The following HCN4 variants were observed in gnomAD, a reference collection of about 807,000 sequenced individuals.
HCN4 encodes the protein potassium/sodium hyperpolarization-activated cyclic nucleotide-gated channel 4.
HCN4 carries 29 observed loss-of-function variants against 76.9 expected under a neutral mutation model. That is an observed-to-expected ratio of 0.38 (90% CI 0.28 to 0.51). The LOEUF is 0.51. HCN4 is among the 20% of genes least tolerant of loss of function. HCN4 has a pLI of 0.90. For missense variants in HCN4, 1,416 were observed against 1,715.2 expected (o/e 0.83, Z 3.08); for synonymous variants, 772 against 762.5 (o/e 1.01, Z -0.21).
intron 1 of HCN4, among the ~76,000 whole-genome samples, chr15:73,346,722 T>A (rs1346142128): frequency 6.6e-6 from 1 of 152,100 alleles, no homozygotes; most frequent in Non-Finnish European, 1.5e-5. Flanking sequence ...AAAGCCCAGG[T>A]ATCCATAAAA....
At position 73,331,986 on chromosome 15, in the gene HCN4, G is replaced by A. The variant is rs971895205; in HGVS notation, c.1371+145C>T. 29 of 770,756 alleles carry A rather than the reference G, an allele frequency of 3.8e-5. No individual in the cohort carries two copies. In the East Asian group the frequency reaches 7.4e-4, roughly 20 times the overall value. The allele number at this position is 770,756 out of a possible 1,614,324, so 47.7% of individuals were successfully genotyped here. ...GCAGCAAGCGATTGGGCCTGTACTG[G>A]GTAGAGCTATGTGCCCCCTCAGCCC... On this transcript the variant is annotated intron_variant, in intron 3 of 7. Coordinates refer to ENST00000261917, the MANE Select transcript of HCN4 (RefSeq NM_005477.3).
rs1216962124 is a variant in HCN4, at chr15:73,367,054, C to G, written c.785+432G>C. On this transcript the variant is annotated intron_variant, in intron 1 of 7. Transcript: ENST00000261917. This position sits in a 1 kb window ranked among gnomAD's most constrained non-coding sequence, Gnocchi z 7.5. ...GACATAAATGCCTGCTGTCAGCACC[C>G]AAGGAGCTGGCCCGTTGCTAAGAGG... Among the ~76,000 whole-genome samples, 1 of 152,220 alleles carries G rather than the reference C, an allele frequency of 6.6e-6. No homozygotes were observed. The highest frequency in any genetic ancestry group is 1.9e-4 in the East Asian group (1 of 5,200).
At chr15:73,361,545 T>C (rs957525333) in intron 1 of HCN4, among the ~76,000 whole-genome samples, 1 of 152,220 alleles carries the variant, frequency 6.6e-6, no homozygotes, top group African/African-American at 2.4e-5. Flanking sequence ...TAAGAGCCCT[T>C]GAGCCAAGTG....
In HCN4 at chr15:73,367,662, C is replaced by T. The variant is rs779995929; in HGVS notation, c.609G>A (p.Glu203=). 7 of 1,608,094 alleles carry T rather than the reference C, an allele frequency of 4.4e-6. No homozygotes were observed. The African/African-American group carries it at 6.7e-5, about 15-fold the overall frequency. ...GAAAGDQILP[E]AEVRLGQAGF... is the part of the protein sequence containing the mutation. ...CGGCCTGGCCCAGGCGCACCTCGGCCTCCGGGAGGATCTGGTCGCCGGCAG... is the reference window on the plus strand; with the variant it reads ...CGGCCTGGCCCAGGCGCACCTCGGCTTCCGGGAGGATCTGGTCGCCGGCAG... Residue 203 remains glutamate, a synonymous_variant, in exon 1 of 8, where the codon GAG becomes GAA. Transcript: ENST00000261917. This position sits in a 1 kb window ranked among gnomAD's most constrained non-coding sequence, Gnocchi z 7.5.
At chr15:73,351,337 C>G (rs867459649) in intron 1 of HCN4, among the ~76,000 whole-genome samples, 2 of 152,300 alleles carry the variant, frequency 1.3e-5, no homozygotes, top group Middle Eastern at 3.4e-3. Flanking sequence ...GCCTTGTAAA[C>G]CATACCCCTC....
intron 1 of HCN4, among the ~76,000 whole-genome samples, chr15:73,354,399 C>T (rs375613153): frequency 2.6e-5 from 4 of 152,312 alleles, no homozygotes; most frequent in African/African-American, 7.2e-5. Context: ...CCATACAGCA[C>T]GGCGCCCCTC....
chr15:73,346,587 A>G (rs777598699), intron 1 of HCN4, among the ~76,000 whole-genome samples: 2 of 152,140 alleles, frequency 1.3e-5, no homozygotes, highest in Non-Finnish European at 2.9e-5. Context: ...TGACAGACCT[A>G]TTTGCCTCAG....
chr15:73,368,133 C>A lies in HCN4; in HGVS notation c.138G>T (p.Arg46Ser). 3 of 1,515,422 alleles carry A rather than the reference C, an allele frequency of 2.0e-6. No homozygotes were observed. The highest frequency in any genetic ancestry group is 2.9e-5 in the African/African-American group (2 of 69,478). The allele number at this position is 1,515,422 out of a possible 1,614,324, so 93.9% of individuals were successfully genotyped here. The change falls in exon 1 of 8, where the codon AGG (arginine) becomes AGT (serine). Residue 46 changes from arginine to serine, a missense_variant. Transcript: ENST00000261917. This position sits in a 1 kb window ranked among gnomAD's most constrained non-coding sequence, Gnocchi z 6.9. ...GAGGRQDPSR[R>S]SIRLRPLPSP... is the part of the protein sequence containing the mutation. Reference sequence around the variant, plus strand: ...AGGGCAGTGGCCGCAGCCGGATGCTCCTGCGGCTGGGGTCTTGGCGGCCCC... The same window carrying A: ...AGGGCAGTGGCCGCAGCCGGATGCTACTGCGGCTGGGGTCTTGGCGGCCCC...
At chr15:73,358,084 T>C (rs2043089304) in intron 1 of HCN4, among the ~76,000 whole-genome samples, 1 of 151,788 alleles carries the variant, frequency 6.6e-6, no homozygotes, top group Non-Finnish European at 1.5e-5. Flanking sequence ...CTTGCTGAGG[T>C]CACCCAGCAG....
In HCN4 at chr15:73,360,454, C is replaced by A. The variant is rs2680343; in HGVS notation, c.785+7032G>T. ...AGATCTGATATTCCGACACCTGATC[C>A]ATTTTCTGTGCCTGCTGACTATCCC... On this transcript the variant is annotated intron_variant, in intron 1 of 7. Coordinates refer to ENST00000261917, the MANE Select transcript of HCN4 (RefSeq NM_005477.3). 2.0e-5 allele frequency among the ~76,000 whole-genome samples: 3 copies of A among 152,340 alleles called. No homozygotes were observed. The East Asian group carries it at 5.8e-4, about 29-fold the overall frequency.
intron 4 of HCN4, among the ~76,000 whole-genome samples, chr15:73,329,220 A>C (rs2042917779): frequency 6.6e-6 from 1 of 152,168 alleles, no homozygotes; most frequent in Admixed American, 6.5e-5. Context: ...ACACCGCGAG[A>C]GTGCGGTCCT....
chr15:73,355,089 C>A (rs771175517), intron 1 of HCN4, among the ~76,000 whole-genome samples: 12 of 152,192 alleles, frequency 7.9e-5, no homozygotes, highest in Non-Finnish European at 1.5e-4. Flanking sequence ...GGGCAGCATG[C>A]CCTGTTGGGT....
chr15:73,360,625 C>CCT (rs140768890), intron 1 of HCN4, among the ~76,000 whole-genome samples: 77 of 150,380 alleles, frequency 5.1e-4, no homozygotes, highest in South Asian at 1.3e-3. Context: ...ATTTGGGGGA[C>CCT]CTCTCTCTCT....
Position 73,367,382 on chromosome 15 carries a change from C to A in HCN4, c.785+104G>T. On this transcript the variant is annotated intron_variant, in intron 1 of 7. Transcript: ENST00000261917. The surrounding 1 kb of genome is among the most constrained non-coding windows in gnomAD (Gnocchi z 7.5). Reference sequence around the variant, plus strand: ...GGCGCCCTGCCTCTCTTGGAGCTCCCAGCGCAAGGCAGGAAAGTTAACTCC... The same window carrying A: ...GGCGCCCTGCCTCTCTTGGAGCTCCAAGCGCAAGGCAGGAAAGTTAACTCC... 6.4e-7 allele frequency: 1 copy of A among 1,551,898 alleles called. No individual in the cohort carries two copies. Among genetic ancestry groups the A allele is most frequent in the East Asian group, 2.3e-5 (1 of 43,152 alleles).
At position 73,322,710 on chromosome 15, in the gene HCN4, C is replaced by A. The variant is rs727503957; in HGVS notation, c.3383G>T (p.Gly1128Val). 1.4e-5 allele frequency: 22 copies of A among 1,567,222 alleles called. No homozygotes were observed. The highest frequency in any genetic ancestry group is 3.3e-4 in the Middle Eastern group (2 of 6,014). The change falls in exon 8 of 8, where the codon GGC (glycine) becomes GTC (valine). Residue 1128 changes from glycine to valine, a missense_variant. By Grantham distance (109) the Gly-to-Val change is moderately radical. This residue lies in a region of HCN4 where 633 missense variants were observed against 579.8 expected (regional missense o/e 1.09). Transcript: ENST00000261917. ...ACCGAGGCCCCCGCTGCTCCCACTGCCCCCGCTGCCACCCCCAGCCCTGGG... is the reference window on the plus strand; with the variant it reads ...ACCGAGGCCCCCGCTGCTCCCACTGACCCCGCTGCCACCCCCAGCCCTGGG... ...LFPRAGGGSG[G>V]SGSSGGLGPP... is the part of the protein sequence containing the mutation.
chr15:73,322,359 C>A lies in HCN4; in HGVS notation c.*122G>T. 1 of 801,140 alleles carries A rather than the reference C, an allele frequency of 1.2e-6. No homozygotes were observed. Among genetic ancestry groups the A allele is most frequent in the Non-Finnish European group, 2.0e-6 (1 of 496,788 alleles). 49.6% of individuals were successfully genotyped at this position (801,140 alleles called of 1,614,324 possible). ...TTATTTTCTGCTGTCTTTTGTTTTT[C>A]TGGTGTGTGTGGTTTTTTAAATAAT... On this transcript the variant is annotated 3_prime_UTR_variant, in exon 8 of 8. Transcript: ENST00000261917.
In HCN4 at chr15:73,367,773, C is replaced by CGGCGGCGAGGCTGCGGGCTGCGCCGA; in HGVS notation, c.472_497dup (p.Pro167ArgfsTer74). ...CCGGCTGCGGTGGCTGCTGGGGCGG[C>CGGCGGCGAGGCTGCGGGCTGCGCCGA]GGCGGCGAGGCTGCGGGCTGCGCCG... On this transcript the variant is annotated frameshift_variant, in exon 1 of 8. Coordinates refer to ENST00000261917, the MANE Select transcript of HCN4 (RefSeq NM_005477.3). LOFTEE classifies it high-confidence loss of function. This position sits in a 1 kb window ranked among gnomAD's most constrained non-coding sequence, Gnocchi z 7.5. 1 of 1,493,806 alleles carries CGGCGGCGAGGCTGCGGGCTGCGCCGA rather than the reference C, an allele frequency of 6.7e-7. No individual in the cohort carries two copies. Among genetic ancestry groups the CGGCGGCGAGGCTGCGGGCTGCGCCGA allele is most frequent in the Non-Finnish European group, 8.9e-7 (1 of 1,127,850 alleles). 92.5% of individuals were successfully genotyped at this position (1,493,806 alleles called of 1,614,324 possible).
intron 3 of HCN4, 36 bp from the exon 4 acceptor site, chr15:73,329,827 G>C (rs1159039018): frequency 3.2e-6 from 5 of 1,557,294 alleles, no homozygotes; most frequent in Non-Finnish European, 3.5e-6. Context: ...CAGTGGATGA[G>C]AGGGAAGGCC....
chr15:73,358,441 C>T (rs773678983), intron 1 of HCN4, among the ~76,000 whole-genome samples: 6 of 152,176 alleles, frequency 3.9e-5, no homozygotes, highest in Non-Finnish European at 5.9e-5. Flanking sequence ...TAGCCTCCAA[C>T]GGGGAACTGC....
Sources: allele counts gnomAD v4.1 joint callset (sites outside exome capture counted in the v4.1 genomes callset), GRCh38; gene constraint gnomAD v4.1.1; regional missense constraint gnomAD v4.1.1; non-coding constraint Gnocchi (gnomAD v3.1); transcripts MANE v1.5; gene names NCBI Gene and HGNC (gene_info 2026-07-23, HGNC 2026-07-21).